The following PLPP1 variants were observed in gnomAD, a reference collection of about 807,000 sequenced individuals.
The protein encoded by PLPP1 is lipid phosphate phosphohydrolase 1a.
PLPP1 carries 24 observed loss-of-function variants against 31.2 expected under a neutral mutation model. The observed-to-expected ratio is 0.77, with a 90% CI of 0.56 to 1.08. The LOEUF (loss-of-function observed/expected upper bound fraction) is 1.08. PLPP1 is among the 50% of genes least tolerant of loss of function. The probability of loss-of-function intolerance (pLI) is 0.00; values close to 1 mark genes in which losing one functional copy is unlikely to be tolerated. For synonymous variants in PLPP1, 146 were observed against 126.3 expected (o/e 1.16, Z -1.05); for missense variants, 319 against 342.7 (o/e 0.93, Z 0.55).
chr5:55,462,761 A>C (rs1275422), intron 3 of PLPP1, among the ~76,000 whole-genome samples: 3 of 152,134 alleles, frequency 2.0e-5, no homozygotes, highest in South Asian at 2.1e-4. Context: ...ATCACGAGGT[A>C]AGGAGAGCAA....
At chr5:55,457,699 G>A (rs1398787159) in intron 3 of PLPP1, among the ~76,000 whole-genome samples, 2 of 152,042 alleles carry the variant, frequency 1.3e-5, no homozygotes, top group Non-Finnish European at 2.9e-5. Flanking sequence ...GACCAGCCTG[G>A]CCAATATGGT....
At chr5:55,444,378 G>A (rs1260166511) in intron 3 of PLPP1, among the ~76,000 whole-genome samples, 4 of 152,142 alleles carry the variant, frequency 2.6e-5, no homozygotes, top group African/African-American at 7.2e-5. Context: ...ACCGCGCCCG[G>A]CCCCAAATGC....
chr5:55,428,447 T>C (rs1409031122), intron 4 of PLPP1, among the ~76,000 whole-genome samples: 1 of 152,228 alleles, frequency 6.6e-6, no homozygotes, highest in Non-Finnish European at 1.5e-5. Flanking sequence ...ATTCCACAGC[T>C]GACATGCCCA....
chr5:55,477,574 A>C (rs1432771963), intron 1 of PLPP1, among the ~76,000 whole-genome samples: 2 of 151,528 alleles, frequency 1.3e-5, no homozygotes, highest in African/African-American at 4.8e-5. Flanking sequence ...TTGTATTTTT[A>C]ATAGAGAAGG....
intron 1 of PLPP1, among the ~76,000 whole-genome samples, chr5:55,533,505 G>C (rs1195731084): frequency 1.3e-5 from 2 of 152,122 alleles, no homozygotes; most frequent in Non-Finnish European, 2.9e-5. Flanking sequence ...GGAAACTGGA[G>C]AGTGGAATAA....
At chr5:55,504,814 CTTTT>C (rs1170388009) in intron 1 of PLPP1, among the ~76,000 whole-genome samples, 4 of 138,030 alleles carry the variant, frequency 2.9e-5, no homozygotes, top group Non-Finnish European at 4.7e-5. Flanking sequence ...CCTAACTTTC[CTTTT>C]TTTTTTTTTT....
At position 55,511,650 on chromosome 5, in the gene PLPP1, G is replaced by GTTTTTTTTTT. The variant is rs1158182340; in HGVS notation, c.58+22912_58+22921dup. On this transcript the variant is annotated intron_variant, in intron 1 of 5. Transcript: ENST00000307259. ...ACTTTAGCGATTTAACACGTGTTGA[G>GTTTTTTTTTT]TTTTTTTTTTTTTTTTTTTTTTTTT... is the stretch of plus-strand genomic sequence containing the variant. Among the ~76,000 whole-genome samples the GTTTTTTTTTT allele has an allele frequency of 9.7e-5, 5 of 51,496 alleles. 1 individual carries two copies. Among genetic ancestry groups the GTTTTTTTTTT allele is most frequent in the African/African-American group, 2.7e-4 (3 of 11,160 alleles). The allele number at this position is 51,496 out of a possible 152,430, so 33.8% of individuals were successfully genotyped here.
chr5:55,432,132 CAG>C (rs1751373465), intron 4 of PLPP1, among the ~76,000 whole-genome samples: 1 of 140,522 alleles, frequency 7.1e-6, no homozygotes. Context: ...TTGGTAGAGA[CAG>C]GGTCTTGCTA....
chr5:55,428,168 TC>T (rs1751257613), intron 4 of PLPP1, among the ~76,000 whole-genome samples: 2 of 152,184 alleles, frequency 1.3e-5, no homozygotes, highest in Admixed American at 1.3e-4. Context: ...AATAGAGGTT[TC>T]CCCCATCAGT....
intron 1 of PLPP1, among the ~76,000 whole-genome samples, chr5:55,516,368 A>G (rs1753555299): frequency 6.6e-6 from 1 of 151,948 alleles, no homozygotes. Context: ...AAGCTACCTC[A>G]TCCTCCTTTT....
At chr5:55,472,763 AGAAGAGGAAGAG>A (rs1326665628) in intron 2 of PLPP1, among the ~76,000 whole-genome samples, 1 of 148,758 alleles carries the variant, frequency 6.7e-6, no homozygotes, top group East Asian at 2.0e-4. Context: ...AAGAGGAAGA[AGAAGAGGAAGAG>A]GAAGAAGAAG....
In PLPP1 at chr5:55,503,740, C is replaced by A. The variant is rs542447155; in HGVS notation, c.59-28290G>T. ...GTTGCAGTGAGCAGAGGTCGTGCCA[C>A]TGCACTCCAGCCTGGGCAACAGAGA... On this transcript the variant is annotated intron_variant, in intron 1 of 5. Transcript: ENST00000307259. 2.1e-5 allele frequency among the ~76,000 whole-genome samples: 3 copies of A among 145,580 alleles called. No homozygotes were observed. The South Asian group carries it at 6.9e-4, about 34-fold the overall frequency.
chr5:55,458,902 AAAAAAAAAAAAAAACAC>A (rs1175340042), intron 3 of PLPP1, among the ~76,000 whole-genome samples: 1 of 148,900 alleles, frequency 6.7e-6, no homozygotes, highest in East Asian at 1.9e-4. Flanking sequence ...AAAAAAAAAA[AAAAAAAAAAAAAAACAC>A]ATAGCAAAAT....
chr5:55,458,772 C>G (rs1332763076), intron 3 of PLPP1, among the ~76,000 whole-genome samples: 1 of 151,192 alleles, frequency 6.6e-6, no homozygotes, highest in Non-Finnish European at 1.5e-5. Context: ...CCTGTAATCC[C>G]AGCTACTCGG....
intron 2 of PLPP1, 142 bp from the exon 3 acceptor site, chr5:55,468,291 A>G (rs1752347853): frequency 4.2e-6 from 3 of 710,396 alleles, no homozygotes; most frequent in Non-Finnish European, 6.7e-6. Flanking sequence ...TTTTCTTTAC[A>G]ATGGAGAGTC....
At chr5:55,502,560 C>G (rs1049643145) in intron 1 of PLPP1, among the ~76,000 whole-genome samples, 2 of 151,870 alleles carry the variant, frequency 1.3e-5, no homozygotes, top group Non-Finnish European at 2.9e-5. Flanking sequence ...GGCTACAGAG[C>G]TCTTGATATA....
At chr5:55,523,863 C>CT (rs535966525) in intron 1 of PLPP1, among the ~76,000 whole-genome samples, 116 of 152,232 alleles carry the variant, frequency 7.6e-4, no homozygotes, top group Admixed American at 3.9e-3. Flanking sequence ...AATATTCCCC[C>CT]TTTAGAGAGC....
chr5:55,515,611 C>T (rs181643529), intron 1 of PLPP1, among the ~76,000 whole-genome samples: 26 of 152,264 alleles, frequency 1.7e-4, no homozygotes, highest in Middle Eastern at 3.4e-3. Flanking sequence ...TGTAACTAAA[C>T]CCAATGGACA....
chr5:55,435,522 G>C (rs1210358437), intron 4 of PLPP1, among the ~76,000 whole-genome samples: 1 of 152,156 alleles, frequency 6.6e-6, no homozygotes, highest in Non-Finnish European at 1.5e-5. Flanking sequence ...TATAGTCTCT[G>C]CTCCCAAATT....
Sources: gnomAD v4.1 joint callset for allele counts (sites outside exome capture counted in the v4.1 genomes callset) on GRCh38, gnomAD v4.1.1 for gene constraint, MANE v1.5 for transcripts, NCBI Gene and HGNC (gene_info 2026-07-23, HGNC 2026-07-21) for gene names.